Variants in C12orf42 observed in about 807,000 individuals in gnomAD.
C12orf42 encodes uncharacterized protein C12orf42.
A neutral mutation model predicts 21.6 loss-of-function variants in C12orf42; 25 were observed. The observed-to-expected ratio is 1.16, with a 90% CI of 0.84 to 1.62. C12orf42 has a LOEUF of 1.62. C12orf42 is among the 40% of genes most tolerant of loss of function. C12orf42 has a pLI of 0.00. For missense variants in C12orf42, 483 were observed against 459.3 expected (o/e 1.05, Z -0.47); for synonymous variants, 174 against 175.0 (o/e 0.99, Z 0.05).
the C12orf42 span, among the ~76,000 whole-genome samples, chr12:103,523,963 CAT>C: frequency 5.9e-5 from 9 of 152,046 alleles, no homozygotes; most frequent in African/African-American, 2.2e-4. Context: ...ATGTTGGGGA[CAT>C]GTGGGGACAT....
intron 4 of C12orf42, among the ~76,000 whole-genome samples, chr12:103,343,633 C>T (rs909077882): frequency 2.8e-4 from 42 of 151,690 alleles, no homozygotes; most frequent in Middle Eastern, 3.2e-3. Flanking sequence ...ACAAAAAAAT[C>T]AGCCGAGCAT....
At chr12:103,188,039 C>A in the C12orf42 span, among the ~76,000 whole-genome samples, 2 of 152,052 alleles carry the variant, frequency 1.3e-5, no homozygotes, top group Non-Finnish European at 2.9e-5. Flanking sequence ...TTGAAATCTC[C>A]CTCTCTCATT....
chr12:103,521,121 G>A, the C12orf42 span, among the ~76,000 whole-genome samples: 5 of 152,184 alleles, frequency 3.3e-5, no homozygotes, highest in South Asian at 2.1e-4. Flanking sequence ...CTAACGCAAC[G>A]TATGGCACTG....
the C12orf42 span, among the ~76,000 whole-genome samples, chr12:103,166,332 A>C: frequency 6.6e-6 from 1 of 152,230 alleles, no homozygotes; most frequent in Non-Finnish European, 1.5e-5. Context: ...ATTAAATGAT[A>C]AATGCTTAAA....
At chr12:103,512,415 T>A in the C12orf42 span, among the ~76,000 whole-genome samples, 1 of 149,462 alleles carries the variant, frequency 6.7e-6, no homozygotes, top group Non-Finnish European at 1.5e-5. Flanking sequence ...GGAGGATGAC[T>A]ATTGTTAGTT....
chr12:103,350,069 A>G (rs1420522646), intron 4 of C12orf42, among the ~76,000 whole-genome samples: 2 of 152,144 alleles, frequency 1.3e-5, no homozygotes, highest in Admixed American at 1.3e-4. Flanking sequence ...ATAATGACCA[A>G]ATTTAGGAAG....
the C12orf42 span, among the ~76,000 whole-genome samples, chr12:103,167,000 A>T: frequency 6.6e-6 from 1 of 152,128 alleles, no homozygotes; most frequent in Non-Finnish European, 1.5e-5. Context: ...CCTAAATTAA[A>T]TTTCTCCTTG....
At chr12:103,467,326 G>A (rs1347181401) in intron 2 of C12orf42, among the ~76,000 whole-genome samples, 2 of 152,112 alleles carry the variant, frequency 1.3e-5, no homozygotes, top group Admixed American at 1.3e-4. Context: ...GTATTAATGG[G>A]GAGGATAGGG....
the C12orf42 span, among the ~76,000 whole-genome samples, chr12:103,142,540 G>T: frequency 6.6e-6 from 1 of 152,124 alleles, no homozygotes; most frequent in Non-Finnish European, 1.5e-5. Context: ...AATTTTCACT[G>T]AGGACTGACC....
intron 10 of C12orf42, among the ~76,000 whole-genome samples, chr12:103,239,629 C>T (rs2033635829): frequency 6.6e-6 from 1 of 152,150 alleles, no homozygotes; most frequent in Non-Finnish European, 1.5e-5. Context: ...AGGTGGTTAG[C>T]TTGTTAATCT....
chr12:103,172,342 G>A, the C12orf42 span, among the ~76,000 whole-genome samples: 1 of 152,090 alleles, frequency 6.6e-6, no homozygotes, highest in Non-Finnish European at 1.5e-5. Context: ...ACAAGATGGT[G>A]TCAGGAAGTT....
intron 4 of C12orf42, among the ~76,000 whole-genome samples, chr12:103,319,097 C>A (rs2039823656): frequency 6.6e-6 from 1 of 152,114 alleles, no homozygotes; most frequent in Non-Finnish European, 1.5e-5. Context: ...CTCACTGACT[C>A]TTTTTAAACA....
the C12orf42 span, among the ~76,000 whole-genome samples, chr12:103,209,279 A>G: frequency 6.6e-6 from 1 of 152,222 alleles, no homozygotes; most frequent in Non-Finnish European, 1.5e-5. Context: ...ACTCACAAAG[A>G]TTCCCTCAAA....
intron 4 of C12orf42, among the ~76,000 whole-genome samples, chr12:103,339,820 G>A (rs1388798887): frequency 6.6e-6 from 1 of 152,132 alleles, no homozygotes. Context: ...TAGCATTTTG[G>A]AACTTCAAGT....
chr12:103,222,209 AAG>A, the C12orf42 span, among the ~76,000 whole-genome samples: 1 of 152,178 alleles, frequency 6.6e-6, no homozygotes, highest in Non-Finnish European at 1.5e-5. Context: ...TGAGTACAAA[AAG>A]AGAGTCAGCG....
At chr12:103,094,979 G>C in the C12orf42 span, among the ~76,000 whole-genome samples, 1 of 152,168 alleles carries the variant, frequency 6.6e-6, no homozygotes, top group Non-Finnish European at 1.5e-5. Flanking sequence ...ATTTAAAGTT[G>C]TAGTATTTAA....
the C12orf42 span, among the ~76,000 whole-genome samples, chr12:103,117,004 TC>T: frequency 6.6e-6 from 1 of 152,218 alleles, no homozygotes; most frequent in Non-Finnish European, 1.5e-5. Context: ...AATTAGCATA[TC>T]CATCATCTCA....
the C12orf42 span, among the ~76,000 whole-genome samples, chr12:103,512,852 A>C: frequency 2.0e-5 from 3 of 152,048 alleles, no homozygotes; most frequent in African/African-American, 7.2e-5. Context: ...AAATACAAAA[A>C]TTAGCCAGGC....
At chr12:103,124,687 T>C in the C12orf42 span, among the ~76,000 whole-genome samples, 1 of 152,176 alleles carries the variant, frequency 6.6e-6, no homozygotes, top group African/African-American at 2.4e-5. Flanking sequence ...TGGTATCATA[T>C]AGTCTCTGGA....
Sources: gnomAD v4.1 joint callset for allele counts (sites outside exome capture counted in the v4.1 genomes callset) on GRCh38, gnomAD v4.1.1 for gene constraint, MANE v1.5 for transcripts, NCBI Gene and HGNC (gene_info 2026-07-23, HGNC 2026-07-21) for gene names.